SYT6: variants seen among roughly 807,000 people sequenced by gnomAD.
SYT6 encodes the protein synaptotagmin-6.
SYT6 carries 24 observed loss-of-function variants against 38.4 expected under a neutral mutation model. The observed-to-expected ratio is 0.62, with a 90% CI of 0.45 to 0.88. The LOEUF is 0.88. Ranked by LOEUF, SYT6 falls within the 40% of genes least tolerant of loss-of-function variation. The probability of loss-of-function intolerance (pLI) is 0.00; values close to 1 mark genes in which losing one functional copy is unlikely to be tolerated. For synonymous variants in SYT6, 265 were observed against 241.9 expected (o/e 1.10, Z -0.89); for missense variants, 611 against 621.0 (o/e 0.98, Z 0.17).
At chr1:114,129,571 T>TCTTTCTTTCTTTCTTTCTTTCTTTC in intron 3 of SYT6, among the ~76,000 whole-genome samples, 1 of 92,786 alleles carries the variant, frequency 1.1e-5, no homozygotes, top group African/African-American at 4.1e-5. Context: ...TTCTTTTCTT[T>TCTTTCTTTCTTTCTTTCTTTCTTTC]CTTTCTTTCT....
At chr1:114,153,511 T>G in intron 1 of SYT6, 99 bp downstream of exon 1, 3 of 546,334 alleles carry the variant, frequency 5.5e-6, no homozygotes, top group Admixed American at 3.8e-5. Flanking sequence ...AGCTGGGGAG[T>G]TCTCTCTAGG....
intron 3 of SYT6, among the ~76,000 whole-genome samples, chr1:114,122,607 A>G (rs1571862483): frequency 6.6e-6 from 1 of 152,080 alleles, no homozygotes; most frequent in African/African-American, 2.4e-5. Flanking sequence ...CTACTTCCCT[A>G]TCTCTTGCAG....
At position 114,091,776 on chromosome 1, in the gene SYT6, C is replaced by A. The variant is rs192583317; in HGVS notation, c.*358G>T. 7.4e-5 allele frequency: 28 copies of A among 376,630 alleles called. No homozygotes were observed. The highest frequency in any genetic ancestry group is 5.1e-4 in the African/African-American group (24 of 47,438). The allele number at this position is 376,630 out of a possible 1,614,324, so 23.3% of individuals were successfully genotyped here. On this transcript the variant is annotated 3_prime_UTR_variant, in exon 8 of 8. Transcript: ENST00000610222. ...TTTTTTCCCTTTTCTTACCAGCAGACCCATAAAAAGTGAAAAACCACAAAA... is the reference window on the plus strand; with the variant it reads ...TTTTTTCCCTTTTCTTACCAGCAGAACCATAAAAAGTGAAAAACCACAAAA...
chr1:114,094,160 C>A (rs1675486802), intron 6 of SYT6, among the ~76,000 whole-genome samples: 1 of 152,194 alleles, frequency 6.6e-6, no homozygotes, highest in Non-Finnish European at 1.5e-5. Context: ...AGAAGGAACA[C>A]TGGCTCCCCT....
chr1:114,141,810 A>G (rs1054411133), intron 1 of SYT6, among the ~76,000 whole-genome samples: 4 of 152,204 alleles, frequency 2.6e-5, no homozygotes, highest in Non-Finnish European at 5.9e-5. Context: ...CTTATTTACC[A>G]TTCCAAAAAT....
chr1:114,118,406 G>T (rs959406566), intron 3 of SYT6, among the ~76,000 whole-genome samples: 2 of 152,244 alleles, frequency 1.3e-5, no homozygotes, highest in Admixed American at 6.5e-5. Flanking sequence ...GGAGGAGAGA[G>T]GCCCAGGGAG....
rs1252125214 is a variant in SYT6 at position 114,153,653 on chromosome 1, G to A, written c.120C>T (p.Phe40=). The A allele has an allele frequency of 1.5e-6, 1 of 656,600 alleles. No individual in the cohort carries two copies. The highest frequency in any genetic ancestry group is 3.0e-5 in the East Asian group (1 of 32,896). The allele number at this position is 656,600 out of a possible 1,614,324, so 40.7% of individuals were successfully genotyped here. Residue 40 remains phenylalanine (F), a synonymous_variant, in exon 1 of 8, where the codon TTC becomes TTT. Coordinates refer to ENST00000610222, the MANE Select transcript of SYT6 (RefSeq NM_001253772.2). Reference sequence around the variant, plus strand: ...GACTCCGCTCTGGGGGCTGCAGCTCGAAGCTCCGACAAGTCTCCACGTCCA... The same window carrying A: ...GACTCCGCTCTGGGGGCTGCAGCTCAAAGCTCCGACAAGTCTCCACGTCCA... The part of the protein sequence containing the change: ...LGLDVETCRS[F]ELQPPERSPS...
At chr1:114,140,976 C>T (rs1022661220) in intron 1 of SYT6, among the ~76,000 whole-genome samples, 2 of 152,178 alleles carry the variant, frequency 1.3e-5, no homozygotes, top group Admixed American at 6.5e-5. Flanking sequence ...GATGGCCAAC[C>T]TAATTGATAA....
intron 3 of SYT6, among the ~76,000 whole-genome samples, chr1:114,133,927 A>C (rs562110517): frequency 2.0e-5 from 3 of 152,188 alleles, no homozygotes; most frequent in Non-Finnish European, 4.4e-5. Context: ...TGGCTGTGAG[A>C]AAACAATGCA....
At chr1:114,117,701 G>A (rs1192543565) in intron 3 of SYT6, among the ~76,000 whole-genome samples, 1 of 152,212 alleles carries the variant, frequency 6.6e-6, no homozygotes, top group Non-Finnish European at 1.5e-5. Flanking sequence ...CAGTTCAGAT[G>A]TTCCCAGTAA....
chr1:114,103,481 G>GT, intron 4 of SYT6, 120 bp downstream of exon 4: 1 of 1,359,386 alleles, frequency 7.4e-7, no homozygotes, highest in African/African-American at 1.5e-5. Context: ...CAGGCAGTTT[G>GT]TGTCCAGAGC....
At position 114,091,953 on chromosome 1, in the gene SYT6, T is replaced by C; in HGVS notation, c.*181A>G. 1 of 1,518,320 alleles carries C rather than the reference T, an allele frequency of 6.6e-7. No homozygotes were observed. The highest frequency in any genetic ancestry group is 8.8e-7 in the Non-Finnish European group (1 of 1,130,684). The allele number at this position is 1,518,320 out of a possible 1,614,324, so 94.1% of individuals were successfully genotyped here. Reference sequence around the variant, plus strand: ...CGACTGCACAACACTGTTTAGACGGTTGAACAAGTGCAAAGAGAACATTGC... The same window carrying C: ...CGACTGCACAACACTGTTTAGACGGCTGAACAAGTGCAAAGAGAACATTGC... On this transcript the variant is annotated 3_prime_UTR_variant, in exon 8 of 8. Coordinates refer to ENST00000610222, the MANE Select transcript of SYT6 (RefSeq NM_001253772.2).
chr1:114,101,274 T>TGACC (rs1414412180), intron 4 of SYT6, among the ~76,000 whole-genome samples: 7 of 152,168 alleles, frequency 4.6e-5, no homozygotes, highest in Non-Finnish European at 1.0e-4. Context: ...AGCAGACAGA[T>TGACC]GACCGTTCCC....
Position 114,096,843 on chromosome 1 carries a change from T to G in SYT6, c.1515+884A>C, listed in dbSNP as rs185591085. Among the ~76,000 whole-genome samples the G allele has an allele frequency of 5.5e-3, 845 of 152,318 alleles. 5 individuals are homozygous for G. The highest frequency in any genetic ancestry group is 9.8e-3 in the Non-Finnish European group (670 of 68,044). On this transcript the variant is annotated intron_variant, in intron 6 of 7. Coordinates refer to ENST00000610222, the MANE Select transcript of SYT6 (RefSeq NM_001253772.2). Reference sequence around the variant, plus strand: ...GAAGCCTGTTAAGATGACAGAATATTCATCCAGCTTTCTAGGATACAGACC... The same window carrying G: ...GAAGCCTGTTAAGATGACAGAATATGCATCCAGCTTTCTAGGATACAGACC...
intron 7 of SYT6, among the ~76,000 whole-genome samples, chr1:114,092,822 C>T (rs1369439863): frequency 2.6e-5 from 4 of 152,220 alleles, no homozygotes; most frequent in Non-Finnish European, 5.9e-5. Flanking sequence ...GTCATCGCTG[C>T]AGCAGTCATA....
Position 114,153,776 on chromosome 1 carries a change from C to T in SYT6, c.-4G>A, listed in dbSNP as rs969068345. Reference sequence around the variant, plus strand: ...CGGCCCCCCACACTCCGCTCATGCCCTAGACACCCAGGCTTGCCGAGCAGC... The same window carrying T: ...CGGCCCCCCACACTCCGCTCATGCCTTAGACACCCAGGCTTGCCGAGCAGC... On this transcript the variant is annotated 5_prime_UTR_variant, in exon 1 of 8. Transcript: ENST00000610222. The T allele has an allele frequency of 3.0e-5, 20 of 671,364 alleles. No homozygotes were observed. Among genetic ancestry groups the T allele is most frequent in the Non-Finnish European group, 4.8e-5 (18 of 372,624 alleles). 41.6% of individuals were successfully genotyped at this position (671,364 alleles called of 1,614,324 possible).
Position 114,097,882 on chromosome 1 carries a change from G to A in SYT6, c.1365-5C>T. ...ATGATCTCATTGTGGCCCACTCTGA[G>A]GGAGAAACAAAAGTCCCAGCACTGG... On this transcript the variant is annotated splice_region_variant and splice_polypyrimidine_tract_variant and intron_variant, in intron 5 of 7. Coordinates refer to ENST00000610222, the MANE Select transcript of SYT6 (RefSeq NM_001253772.2). The A allele has an allele frequency of 6.2e-7, 1 of 1,613,794 alleles. No individual in the cohort carries two copies. Among genetic ancestry groups the A allele is most frequent in the East Asian group, 2.2e-5 (1 of 44,874 alleles).
At chr1:114,093,374 C>T (rs1675434748) in intron 7 of SYT6, among the ~76,000 whole-genome samples, 1 of 152,192 alleles carries the variant, frequency 6.6e-6, no homozygotes, top group African/African-American at 2.4e-5. Flanking sequence ...CTTCTTAGGA[C>T]TCCCTGTTCA....
chr1:114,151,409 C>G (rs957118330), intron 1 of SYT6, among the ~76,000 whole-genome samples: 2 of 152,106 alleles, frequency 1.3e-5, no homozygotes, highest in Non-Finnish European at 2.9e-5. Flanking sequence ...CTGGGCCTGC[C>G]GACTCTCACC....
Sources: allele counts gnomAD v4.1 joint callset (sites outside exome capture counted in the v4.1 genomes callset), GRCh38; gene constraint gnomAD v4.1.1; transcripts MANE v1.5; gene names NCBI Gene and HGNC (gene_info 2026-07-23, HGNC 2026-07-21).